The following SLTM variants were observed in gnomAD, a reference collection of about 807,000 sequenced individuals.
SLTM encodes the protein SAFB like transcription modulator, also known as SAFB-like transcription modulator.
A neutral mutation model predicts 134.6 loss-of-function variants in SLTM; 43 were observed. The observed-to-expected ratio is 0.32, with a 90% CI of 0.25 to 0.41. The LOEUF (loss-of-function observed/expected upper bound fraction) is 0.41. SLTM is among the 10% of genes least tolerant of loss of function. The pLI, the probability that SLTM is intolerant of heterozygous loss-of-function variation, is 1.00. For missense variants in SLTM, 1,055 were observed against 1,288.8 expected, an observed-to-expected ratio of 0.82 and a Z score of 2.78; for synonymous variants, 424 against 432.3, an observed-to-expected ratio of 0.98 and a Z score of 0.24.
intron 2 of SLTM, among the ~76,000 whole-genome samples, chr15:58,927,190 A>G (rs564707426): frequency 9.2e-5 from 14 of 152,344 alleles, no homozygotes; most frequent in Non-Finnish European, 2.1e-4. Flanking sequence ...TGCTTCTTAC[A>G]AAGAAATATG....
chr15:58,915,099 G>A (rs1446980672), intron 3 of SLTM, among the ~76,000 whole-genome samples: 1 of 152,126 alleles, frequency 6.6e-6, no homozygotes, highest in Non-Finnish European at 1.5e-5. Context: ...GCTGAGGCAG[G>A]AGACTCTCTT....
intron 20 of SLTM, among the ~76,000 whole-genome samples, chr15:58,883,012 G>A (rs1460318382): frequency 6.6e-6 from 1 of 152,220 alleles, no homozygotes; most frequent in Admixed American, 6.5e-5. Context: ...GTTCCAATGT[G>A]AGGTTAAGAT....
intron 5 of SLTM, among the ~76,000 whole-genome samples, chr15:58,908,010 T>TGTGTGTGTGTGC (rs2035988920): frequency 7.8e-6 from 1 of 128,154 alleles, no homozygotes; most frequent in South Asian, 2.3e-4. Flanking sequence ...TGCGTGTGTG[T>TGTGTGTGTGTGC]GTGTGTGTGT....
At chr15:58,930,804 G>GA (rs1220141924) in intron 2 of SLTM, among the ~76,000 whole-genome samples, 1 of 148,924 alleles carries the variant, frequency 6.7e-6, no homozygotes, top group African/African-American at 2.5e-5. Context: ...AAAATGTATT[G>GA]AAAAAACCCT....
In SLTM at chr15:58,888,474, A is replaced by G. The variant is rs1218584676; in HGVS notation, c.2286T>C (p.Ser762=). The G allele has an allele frequency of 1.2e-6, 2 of 1,614,126 alleles. No individual in the cohort carries two copies. Among genetic ancestry groups the G allele is most frequent in the Non-Finnish European group, 1.7e-6 (2 of 1,180,022 alleles). Residue 762 remains serine (S), a synonymous_variant, in exon 17 of 21, where the codon TCT becomes TCC. Transcript: ENST00000380516. ...DARFGHGSDY[S]RQQNRFNDFD... ...AGTCATTAAATCTGTTCTGTTGGCG[A>G]GAGTAGTCGGATCCATGGCCAAATC...
rs889280497 is a variant in SLTM at position 58,888,521 on chromosome 15, A to G, written c.2239T>C (p.Leu747=). Residue 747 remains leucine (L), a synonymous_variant, in exon 17 of 21, where the codon TTG becomes CTG. Coordinates refer to ENST00000380516, the MANE Select transcript of SLTM (RefSeq NM_024755.4). ...AATCGTGCATCTGTATCTAGAGACA[A>G]CTTTTTATTCTCGCTCCAGTAAGGA... The part of the protein sequence containing the change: ...DDPYWSENKK[L]SLDTDARFGH... The G allele has an allele frequency of 1.9e-6, 3 of 1,614,066 alleles. No individual in the cohort carries two copies. The highest frequency in any genetic ancestry group is 3.3e-5 in the Admixed American group (2 of 60,004).
At chr15:58,912,730 T>C in intron 4 of SLTM, 120 bp from the exon 5 acceptor site, 2 of 775,262 alleles carry the variant, frequency 2.6e-6, no homozygotes, top group Non-Finnish European at 4.3e-6. Context: ...TGCGATACCA[T>C]GGGTACTAAA....
chr15:58,896,322 GC>G (rs2035074024), intron 9 of SLTM, among the ~76,000 whole-genome samples: 1 of 152,092 alleles, frequency 6.6e-6, no homozygotes, highest in Non-Finnish European at 1.5e-5. Context: ...ACTTTGGGAG[GC>G]TGAGACTGGT....
chr15:58,928,433 A>G (rs768160290), intron 2 of SLTM, among the ~76,000 whole-genome samples: 72 of 152,168 alleles, frequency 4.7e-4, no homozygotes, highest in Non-Finnish European at 8.4e-4. Context: ...GACTCAGGAA[A>G]GCCATTCTAA....
rs577868243 is a variant in SLTM at position 58,886,969 on chromosome 15, A to G, written c.2835+6T>C. 18 of 1,612,200 alleles carry G rather than the reference A, an allele frequency of 1.1e-5. No individual in the cohort carries two copies. In the South Asian group the frequency reaches 1.8e-4, roughly 16 times the overall value. The stretch of plus-strand genomic sequence containing the variant: ...AGGCTCGCGGCAAGCCTCCCGCAGC[A>G]CTTACCTGTGATCCACCTCCTCGGT... On this transcript the variant is annotated splice_donor_region_variant and intron_variant, in intron 19 of 20. Coordinates refer to ENST00000380516, the MANE Select transcript of SLTM (RefSeq NM_024755.4).
At chr15:58,881,524 GA>G (rs35092293) in intron 20 of SLTM, among the ~76,000 whole-genome samples, 199 of 146,168 alleles carry the variant, frequency 1.4e-3, no homozygotes, top group African/African-American at 3.8e-3. Flanking sequence ...CTTCGTCTTG[GA>G]AAAAAAAAAA....
intron 6 of SLTM, 100 bp from the exon 7 acceptor site, chr15:58,900,037 T>C (rs2035356281): frequency 1.1e-6 from 1 of 893,956 alleles, no homozygotes; most frequent in Non-Finnish European, 1.7e-6. Flanking sequence ...AAGCCAGTTA[T>C]TAGCACTGAT....
At chr15:58,880,930 T>C (rs758611320) in intron 20 of SLTM, among the ~76,000 whole-genome samples, 36 of 152,294 alleles carry the variant, frequency 2.4e-4, no homozygotes, top group Admixed American at 6.5e-5. Context: ...AACTAAATTA[T>C]AGAAGTCATT....
At position 58,899,827 on chromosome 15, in the gene SLTM, T is replaced by A. The variant is rs1252777144; in HGVS notation, c.700A>T (p.Thr234Ser). 6.2e-7 allele frequency: 1 copy of A among 1,614,136 alleles called. No individual in the cohort carries two copies. The highest frequency in any genetic ancestry group is 8.5e-7 in the Non-Finnish European group (1 of 1,180,014). ...TTGTCATCCTCAGCTTCTTTCACAG[T>A]CGTATGAGCTTCCATCTCTTCATGA... is the stretch of plus-strand genomic sequence containing the variant. ...TAHEEMEAHT[T>S]VKEAEDDNIS... Residue 234 changes from threonine (T) to serine (S), a missense_variant, in exon 7 of 21, where the codon ACT (threonine) becomes TCT (serine). Around this residue, in one of 3 missense-constraint regions of SLTM, gnomAD observed 268 missense variants for 284.3 expected, o/e 0.94. Coordinates refer to ENST00000380516, the MANE Select transcript of SLTM (RefSeq NM_024755.4). This position sits in a 1 kb window ranked among gnomAD's most constrained non-coding sequence, Gnocchi z 5.0.
chr15:58,918,065 A>T (rs1421749981), intron 2 of SLTM, among the ~76,000 whole-genome samples: 1 of 151,810 alleles, frequency 6.6e-6, no homozygotes, highest in Non-Finnish European at 1.5e-5. Flanking sequence ...GGTAGTTGGA[A>T]CTTTAAAATA....
At chr15:58,933,118 C>G (rs1313766230) in intron 1 of SLTM, among the ~76,000 whole-genome samples, 2 of 152,040 alleles carry the variant, frequency 1.3e-5, no homozygotes, top group African/African-American at 4.8e-5. Flanking sequence ...CCGCGCCGGC[C>G]GGCCGCAACC....
chr15:58,930,159 C>T (rs2037765089), intron 2 of SLTM, among the ~76,000 whole-genome samples: 1 of 151,872 alleles, frequency 6.6e-6, no homozygotes. Flanking sequence ...TGCTGGACTG[C>T]AGTGGAGTGA....
chr15:58,932,991 C>G (rs2037987768), intron 1 of SLTM, among the ~76,000 whole-genome samples: 2 of 152,242 alleles, frequency 1.3e-5, no homozygotes, highest in East Asian at 1.9e-4. Flanking sequence ...TAAACGGTAA[C>G]TTCGCAGAAG....
intron 2 of SLTM, among the ~76,000 whole-genome samples, chr15:58,929,294 C>A (rs1216716155): frequency 6.6e-6 from 1 of 151,920 alleles, no homozygotes; most frequent in Non-Finnish European, 1.5e-5. Context: ...ACTAAAAATA[C>A]AAAATTAGTT....
Sources: gnomAD v4.1 joint callset for allele counts (sites outside exome capture counted in the v4.1 genomes callset) on GRCh38, gnomAD v4.1.1 for gene constraint, gnomAD v4.1.1 regional missense constraint, Gnocchi (gnomAD v3.1) non-coding constraint, MANE v1.5 for transcripts, NCBI Gene and HGNC (gene_info 2026-07-23, HGNC 2026-07-21) for gene names.